Variants in EHBP1 observed in about 807,000 individuals in gnomAD.
EHBP1 encodes EH domain-binding protein 1.
EHBP1 carries 55 observed loss-of-function variants against 144.0 expected under a neutral mutation model. That is an observed-to-expected ratio of 0.38 (90% confidence interval 0.31 to 0.48). The LOEUF is 0.48. Ranked by LOEUF, EHBP1 falls within the 20% of genes least tolerant of loss-of-function variation. The pLI is 0.98. For missense variants in EHBP1, 1,200 were observed against 1,364.2 expected (o/e 0.88, Z 1.90); for synonymous variants, 469 against 472.7 (o/e 0.99, Z 0.10).
intron 19 of EHBP1, among the ~76,000 whole-genome samples, chr2:63,014,846 C>T (rs1020340726): frequency 6.6e-5 from 10 of 152,100 alleles, no homozygotes; most frequent in Non-Finnish European, 1.0e-4. Flanking sequence ...AGTGTGGTGG[C>T]GCATGCCTGT....
At chr2:62,943,773 T>C (rs2153078728) in intron 11 of EHBP1, 29 bp from the exon 12 acceptor site, 2 of 1,529,584 alleles carry the variant, frequency 1.3e-6, no homozygotes, top group Non-Finnish European at 1.8e-6. Context: ...AAATACTATA[T>C]GTACCCACTG....
chr2:62,695,739 G>GT (rs1274806446), intron 1 of EHBP1, among the ~76,000 whole-genome samples: 3 of 152,142 alleles, frequency 2.0e-5, no homozygotes, highest in Non-Finnish European at 4.4e-5. Flanking sequence ...TTGAAACAGA[G>GT]TCTCACTCTG....
Position 62,927,122 on chromosome 2 carries a change from A to G in EHBP1, c.1186-15596A>G, listed in dbSNP as rs117313778. On this transcript the variant is annotated intron_variant, in intron 10 of 22. Coordinates refer to ENST00000431489, the MANE Select transcript of EHBP1 (RefSeq NM_001142616.3). ...GTTAAACACTGCATGTTCTCACTCA[A>G]ATGTGGAAGCTAAAAGTAAAAGTTG... Among the ~76,000 whole-genome samples the G allele has an allele frequency of 2.1e-3, 326 of 152,294 alleles. 4 individuals carry two copies. The highest frequency in any genetic ancestry group is 0.016 in the Admixed American group (245 of 15,288).
Position 62,874,360 on chromosome 2 carries a change from A to G in EHBP1, c.1013A>G (p.Tyr338Cys), listed in dbSNP as rs746569273. The change falls in exon 10 of 23, where the codon TAT (tyrosine) becomes TGT (cysteine). Residue 338 changes from tyrosine (Y) to cysteine (C), a missense_variant. Coordinates refer to ENST00000431489, the MANE Select transcript of EHBP1 (RefSeq NM_001142616.3). ...EEELDESNPF[Y>C]EPKSTPPPNN... is the part of the protein sequence containing the mutation. ...CTTTCACTTAGATCAAATCCTTTTT[A>G]TGAACCTAAATCAACTCCTCCTCCA... 2 of 1,589,966 alleles carry G rather than the reference A, an allele frequency of 1.3e-6. No individual in the cohort carries two copies. Among genetic ancestry groups the G allele is most frequent in the South Asian group, 2.3e-5 (2 of 85,906 alleles).
chr2:62,967,906 C>T (rs947807350), intron 14 of EHBP1, among the ~76,000 whole-genome samples: 1 of 151,498 alleles, frequency 6.6e-6, no homozygotes, highest in African/African-American at 2.4e-5. Flanking sequence ...GTCAAGTTTA[C>T]GCAGGAGAAA....
intron 1 of EHBP1, among the ~76,000 whole-genome samples, chr2:62,676,634 C>T (rs972873147): frequency 3.4e-4 from 52 of 152,070 alleles, no homozygotes; most frequent in African/African-American, 1.1e-3. Flanking sequence ...TCATTATTTT[C>T]GTTTTCTAGG....
intron 2 of EHBP1, among the ~76,000 whole-genome samples, chr2:62,738,252 A>G (rs912604049): frequency 6.6e-6 from 1 of 152,026 alleles, no homozygotes; most frequent in Non-Finnish European, 1.5e-5. Context: ...CTCTTTTCCT[A>G]TTCCCTCACT....
intron 19 of EHBP1, among the ~76,000 whole-genome samples, chr2:63,026,294 T>TTGTGTGTGTGTGTGTG (rs60109170): frequency 7.0e-5 from 9 of 129,100 alleles, no homozygotes; most frequent in East Asian, 2.4e-4. Flanking sequence ...GCTCTCTACC[T>TTGTGTGTGTGTGTGTG]TGTGTGTGTG....
chr2:62,685,821 T>G (rs1558507705), intron 1 of EHBP1, among the ~76,000 whole-genome samples: 1 of 152,170 alleles, frequency 6.6e-6, no homozygotes, highest in Non-Finnish European at 1.5e-5. Flanking sequence ...AGAATTCCCT[T>G]CTTCTCATCA....
intron 10 of EHBP1, among the ~76,000 whole-genome samples, chr2:62,884,247 T>C (rs1298025681): frequency 6.6e-6 from 1 of 152,240 alleles, no homozygotes. Context: ...CTTCCTATAT[T>C]GTTTGAATTT....
At chr2:62,743,684 G>C (rs950448082) in intron 2 of EHBP1, among the ~76,000 whole-genome samples, 8 of 152,070 alleles carry the variant, frequency 5.3e-5, no homozygotes, top group Non-Finnish European at 1.0e-4. Flanking sequence ...AAGAGTAAAG[G>C]AGTTAAAATT....
At chr2:62,899,273 T>G (rs2053206554) in intron 10 of EHBP1, among the ~76,000 whole-genome samples, 1 of 152,074 alleles carries the variant, frequency 6.6e-6, no homozygotes, top group South Asian at 2.1e-4. Flanking sequence ...AGCCTTGGAG[T>G]AGAACAGTGA....
intron 2 of EHBP1, among the ~76,000 whole-genome samples, chr2:62,717,279 A>G (rs2035774366): frequency 1.3e-5 from 2 of 152,220 alleles, no homozygotes; most frequent in South Asian, 4.1e-4. Flanking sequence ...TTGCAATTAA[A>G]ATGCCCAGGG....
chr2:62,898,434 T>C (rs1573960529), intron 10 of EHBP1, among the ~76,000 whole-genome samples: 1 of 152,178 alleles, frequency 6.6e-6, no homozygotes, highest in East Asian at 1.9e-4. Flanking sequence ...GTATATATTA[T>C]CTTTCACAGT....
chr2:62,685,378 G>A (rs927512710), intron 1 of EHBP1, among the ~76,000 whole-genome samples: 1 of 152,112 alleles, frequency 6.6e-6, no homozygotes, highest in African/African-American at 2.4e-5. Context: ...CCTTCTGAGG[G>A]TTATGAGGGA....
At chr2:62,676,807 A>G (rs766639754) in intron 1 of EHBP1, among the ~76,000 whole-genome samples, 20 of 152,156 alleles carry the variant, frequency 1.3e-4, no homozygotes, top group Non-Finnish European at 2.6e-4. Flanking sequence ...ATGGATGAGC[A>G]AGTCTACAGC....
chr2:62,865,143 C>G (rs973815094), intron 9 of EHBP1, among the ~76,000 whole-genome samples, 172 bp downstream of exon 9: 1 of 152,220 alleles, frequency 6.6e-6, no homozygotes, highest in Non-Finnish European at 1.5e-5. Context: ...TTCTCCCACC[C>G]TCTTCCAGGT....
At chr2:63,029,792 C>T (rs111922005) in intron 19 of EHBP1, among the ~76,000 whole-genome samples, 1 of 152,044 alleles carries the variant, frequency 6.6e-6, no homozygotes, top group African/African-American at 2.4e-5. Context: ...AGTGCAGTGG[C>T]GCAGTCTCAG....
chr2:62,897,306 T>C (rs2053018441), intron 10 of EHBP1, among the ~76,000 whole-genome samples: 1 of 152,246 alleles, frequency 6.6e-6, no homozygotes, highest in South Asian at 2.1e-4. Flanking sequence ...TTATTCTGTG[T>C]ACATCTCTAT....
Sources: allele counts gnomAD v4.1 joint callset (sites outside exome capture counted in the v4.1 genomes callset), GRCh38; gene constraint gnomAD v4.1.1; transcripts MANE v1.5; gene names NCBI Gene and HGNC (gene_info 2026-07-23, HGNC 2026-07-21).